Variants in UFL1 observed in about 807,000 individuals in gnomAD.
The protein encoded by UFL1 is E3 UFM1-protein ligase 1.
UFL1 carries 78 observed loss-of-function variants against 99.3 expected under a neutral mutation model. The observed-to-expected ratio is 0.79, with a 90% CI of 0.65 to 0.95. The LOEUF (loss-of-function observed/expected upper bound fraction) is 0.95, where lower values mean the gene tolerates loss of function less well. UFL1 is among the 40% of genes least tolerant of loss of function. UFL1 has a pLI of 0.00. For missense variants in UFL1, 936 were observed against 937.0 expected, an observed-to-expected ratio of 1.00 and a Z score of 0.01; for synonymous variants, 335 against 322.2, an observed-to-expected ratio of 1.04 and a Z score of -0.42.
intron 13 of UFL1, 95 bp from the exon 14 acceptor site, chr6:96,549,317 T>C: frequency 1.0e-6 from 1 of 987,664 alleles, no homozygotes; most frequent in Non-Finnish European, 1.4e-6. Flanking sequence ...TAGAGATTTC[T>C]ATTCTTAAGC....
In UFL1 at chr6:96,549,692, A is replaced by G. The variant is rs769678560; in HGVS notation, c.1711A>G (p.Lys571Glu). 6 of 1,611,838 alleles carry G rather than the reference A, an allele frequency of 3.7e-6. No homozygotes were observed. In the South Asian group the frequency reaches 6.6e-5, roughly 18 times the overall value. Residue 571 changes from lysine (K) to glutamate (E), a missense_variant, in exon 15 of 19, where the codon AAA (lysine) becomes GAA (glutamate). Transcript: ENST00000369278. ...AGATGACACACAGGCTGCTCTTACC[A>G]AACACTTGCTGAAGTCAGTGTGTAC... ...FADDTQAALT[K>E]HLLKSVCTDI...
In UFL1 at chr6:96,549,741, A is replaced by C. The variant is rs778090533; in HGVS notation, c.1760A>C (p.Asn587Thr). 5 of 1,612,030 alleles carry C rather than the reference A, an allele frequency of 3.1e-6. No individual in the cohort carries two copies. In the African/African-American group the frequency reaches 5.4e-5, roughly 17 times the overall value. ...ACTGATATCACTAACCTCATTTTCA[A>C]CTTCTTAGCTTCGGATTTAATGATG... The part of the protein sequence containing the change: ...VCTDITNLIF[N>T]FLASDLMMAV... Residue 587 changes from asparagine (N) to threonine (T), a missense_variant, in exon 15 of 19, where the codon AAC (asparagine) becomes ACC (threonine). By Grantham distance (65) the Asn-to-Thr change is moderately conservative. Coordinates refer to ENST00000369278, the MANE Select transcript of UFL1 (RefSeq NM_015323.5).
intron 6 of UFL1, among the ~76,000 whole-genome samples, chr6:96,529,173 G>A (rs1245737906): frequency 6.6e-6 from 1 of 152,090 alleles, no homozygotes; most frequent in Non-Finnish European, 1.5e-5. Context: ...TGAAATATTT[G>A]GGTCTGTGTG....
intron 18 of UFL1, 83 bp downstream of exon 18, chr6:96,552,745 C>A: frequency 1.6e-6 from 2 of 1,274,840 alleles, no homozygotes; most frequent in Non-Finnish European, 2.1e-6. Context: ...TTACTGTCAG[C>A]ACTCAGGTAT....
chr6:96,548,065 A>T, intron 12 of UFL1, 99 bp from the exon 13 acceptor site: 1 of 746,208 alleles, frequency 1.3e-6, no homozygotes, highest in Non-Finnish European at 2.2e-6. Context: ...TAATGAATGA[A>T]TTATTGTCTT....
intron 6 of UFL1, among the ~76,000 whole-genome samples, chr6:96,532,640 T>G (rs1392235375): frequency 6.6e-6 from 1 of 152,220 alleles, no homozygotes; most frequent in African/African-American, 2.4e-5. Context: ...CTTTGCTTCC[T>G]CTTTCACTAT....
intron 12 of UFL1, among the ~76,000 whole-genome samples, chr6:96,543,740 T>G (rs1769963040): frequency 6.6e-6 from 1 of 151,100 alleles, no homozygotes; most frequent in Non-Finnish European, 1.5e-5. Context: ...GATTCAGAGT[T>G]AGAAAGTGGT....
chr6:96,542,411 G>A (rs538908021), intron 11 of UFL1, among the ~76,000 whole-genome samples: 16 of 151,374 alleles, frequency 1.1e-4, no homozygotes, highest in African/African-American at 3.1e-4. Flanking sequence ...GATGAGTCAG[G>A]ATATCTCCTC....
rs1770113742 is a variant in UFL1, at chr6:96,553,613, C to T, written c.*110C>T. Reference sequence around the variant, plus strand: ...ACTCCCCTCTCCCTGCAAAAACCACCTCATACACACACAATTCAGTTAAAA... The same window carrying T: ...ACTCCCCTCTCCCTGCAAAAACCACTTCATACACACACAATTCAGTTAAAA... On this transcript the variant is annotated 3_prime_UTR_variant, in exon 19 of 19. Coordinates refer to ENST00000369278, the MANE Select transcript of UFL1 (RefSeq NM_015323.5). The T allele has an allele frequency of 1.4e-6, 1 of 731,832 alleles. No individual in the cohort carries two copies. Among genetic ancestry groups the T allele is most frequent in the South Asian group, 1.9e-5 (1 of 52,134 alleles). 45.3% of individuals were successfully genotyped at this position (731,832 alleles called of 1,614,324 possible). A position where few individuals can be genotyped will look rare whatever the true frequency, so the allele number is the denominator to read the frequency against.
chr6:96,527,621 C>G (rs192172908), intron 5 of UFL1, among the ~76,000 whole-genome samples: 1 of 152,120 alleles, frequency 6.6e-6, no homozygotes, highest in Non-Finnish European at 1.5e-5. Flanking sequence ...TTATATTTTA[C>G]ATGGGCAAAC....
At chr6:96,549,631 G>A in intron 14 of UFL1, 38 bp from the exon 15 acceptor site, 1 of 1,589,996 alleles carries the variant, frequency 6.3e-7, no homozygotes, top group South Asian at 1.2e-5. Context: ...ATAATTTGGG[G>A]AATAAATTAG....
chr6:96,546,529 A>G (rs985394750), intron 12 of UFL1, among the ~76,000 whole-genome samples: 23 of 151,586 alleles, frequency 1.5e-4, no homozygotes, highest in Admixed American at 1.4e-3. Context: ...TAAAGTTGAT[A>G]TGGAACCAAA....
chr6:96,537,549 A>T lies in UFL1; in HGVS notation c.978A>T (p.Ala326=). 1.3e-6 allele frequency: 2 copies of T among 1,577,580 alleles called. No individual in the cohort carries two copies. The highest frequency in any genetic ancestry group is 1.7e-6 in the Non-Finnish European group (2 of 1,167,562). ...GCTCTGGAACATGGGTTGATATTGCAGTATGTTTTATCTTTTCCTCACTTT... is the reference window on the plus strand; with the variant it reads ...GCTCTGGAACATGGGTTGATATTGCTGTATGTTTTATCTTTTCCTCACTTT... ...AISSGTWVDI[A]PLLPTSLSVE... The change falls in exon 9 of 19, where the codon GCA becomes GCT. Residue 326 remains alanine, a splice_region_variant and synonymous_variant. Transcript: ENST00000369278.
rs141915972 is a variant in UFL1 at position 96,546,888 on chromosome 6, C to T, written c.1403-1276C>T. 6.3e-4 allele frequency among the ~76,000 whole-genome samples: 96 copies of T among 151,554 alleles called. No individual in the cohort carries two copies. The East Asian group carries it at 0.017, about 27-fold the overall frequency. ...ATGTAAGACATGAAACTGTAAAAAT[C>T]CTAGAAGAAAACCTAGGAAAAAATC... On this transcript the variant is annotated intron_variant, in intron 12 of 18. Transcript: ENST00000369278.
intron 8 of UFL1, among the ~76,000 whole-genome samples, chr6:96,536,776 T>C (rs1769860227): frequency 6.6e-6 from 1 of 151,806 alleles, no homozygotes; most frequent in African/African-American, 2.4e-5. Flanking sequence ...GTAATTATTA[T>C]ATCTTACATT....
intron 7 of UFL1, among the ~76,000 whole-genome samples, chr6:96,535,740 A>G (rs1018233277): frequency 5.9e-5 from 9 of 151,984 alleles, no homozygotes; most frequent in African/African-American, 1.9e-4. Flanking sequence ...TCTTACTTCA[A>G]CGTAAACAGC....
Position 96,549,817 on chromosome 6 carries a change from C to A in UFL1, c.1818+18C>A. 6.2e-7 allele frequency: 1 copy of A among 1,609,630 alleles called. No individual in the cohort carries two copies. The highest frequency in any genetic ancestry group is 1.1e-5 in the South Asian group (1 of 90,642). Reference sequence around the variant, plus strand: ...CAAGTGAAGTATGTTAATGATCTCCCTACCACTATTGATGTGTTCTGTTTT... The same window carrying A: ...CAAGTGAAGTATGTTAATGATCTCCATACCACTATTGATGTGTTCTGTTTT... On this transcript the variant is annotated intron_variant, in intron 15 of 18. Coordinates refer to ENST00000369278, the MANE Select transcript of UFL1 (RefSeq NM_015323.5).
chr6:96,524,539 C>T (rs536347430), intron 3 of UFL1, 129 bp downstream of exon 3: 6 of 574,616 alleles, frequency 1.0e-5, no homozygotes, highest in African/African-American at 7.9e-5. Flanking sequence ...TTATATAAGC[C>T]TCGCTGATAC....
rs769980249 is a variant in UFL1 at position 96,521,850 on chromosome 6, G to T, written c.-24G>T. 1.2e-6 allele frequency: 2 copies of T among 1,606,384 alleles called. No individual in the cohort carries two copies. The highest frequency in any genetic ancestry group is 2.2e-5 in the South Asian group (2 of 89,392). ...CGGCTGACGTGTCTGCAGTTCCTCCGCGTCTACTGCGAGTCAGGCCGTGAT... is the reference window on the plus strand; with the variant it reads ...CGGCTGACGTGTCTGCAGTTCCTCCTCGTCTACTGCGAGTCAGGCCGTGAT... On this transcript the variant is annotated 5_prime_UTR_variant, in exon 1 of 19. Coordinates refer to ENST00000369278, the MANE Select transcript of UFL1 (RefSeq NM_015323.5).
Sources: allele counts gnomAD v4.1 joint callset (sites outside exome capture counted in the v4.1 genomes callset), GRCh38; gene constraint gnomAD v4.1.1; transcripts MANE v1.5; gene names NCBI Gene and HGNC (gene_info 2026-07-23, HGNC 2026-07-21).